NTNG1: variants seen among roughly 807,000 people sequenced by gnomAD.
NTNG1 encodes netrin G1, also known as netrin-G1.
NTNG1 carries 16 observed loss-of-function variants against 54.0 expected under a neutral mutation model. The observed-to-expected ratio is 0.30, with a 90% CI of 0.20 to 0.45. The LOEUF is 0.45. Among genes scored for constraint, NTNG1 ranks in the 20% least tolerant of loss-of-function variants. The probability of loss-of-function intolerance (pLI) is 1.00; values close to 1 mark genes in which losing one functional copy is unlikely to be tolerated. For synonymous variants in NTNG1, 255 were observed against 263.1 expected, an observed-to-expected ratio of 0.97 and a Z score of 0.30; for missense variants, 530 against 678.7, an observed-to-expected ratio of 0.78 and a Z score of 2.43.
At chr1:107,262,747 G>T (rs543081310) in intron 2 of NTNG1, among the ~76,000 whole-genome samples, 25 of 152,296 alleles carry the variant, frequency 1.6e-4, no homozygotes, top group African/African-American at 5.5e-4. Context: ...TTTAGAAAAA[G>T]ACAAAGCAAA....
At chr1:107,178,394 T>A (rs947587660) in intron 2 of NTNG1, among the ~76,000 whole-genome samples, 4 of 152,174 alleles carry the variant, frequency 2.6e-5, no homozygotes, top group Non-Finnish European at 5.9e-5. Context: ...TTTCTTGCAC[T>A]ATTTGCCTAT....
intron 5 of NTNG1, among the ~76,000 whole-genome samples, chr1:107,424,701 C>T (rs1017753164): frequency 1.3e-5 from 2 of 152,000 alleles, no homozygotes; most frequent in African/African-American, 4.8e-5. Context: ...GAAGGCAACC[C>T]AAGAGCTCAG....
At chr1:107,475,786 T>C (rs1376549990) in intron 7 of NTNG1, among the ~76,000 whole-genome samples, 2 of 152,170 alleles carry the variant, frequency 1.3e-5, no homozygotes, top group Non-Finnish European at 2.9e-5. Context: ...GGGGGGTTGT[T>C]CTGTATACTG....
intron 7 of NTNG1, among the ~76,000 whole-genome samples, chr1:107,455,442 T>C (rs1676892671): frequency 6.6e-6 from 1 of 152,250 alleles, no homozygotes; most frequent in Non-Finnish European, 1.5e-5. Flanking sequence ...CAGGATCAAG[T>C]GAACCTGAGG....
chr1:107,146,321 A>T (rs1235110625), intron 1 of NTNG1, among the ~76,000 whole-genome samples: 2 of 152,056 alleles, frequency 1.3e-5, no homozygotes, highest in Non-Finnish European at 2.9e-5. Flanking sequence ...GCCCTTTGGA[A>T]AGTATTTGTT....
chr1:107,275,098 C>T (rs1210863459), intron 2 of NTNG1, among the ~76,000 whole-genome samples: 3 of 152,080 alleles, frequency 2.0e-5, no homozygotes, highest in Non-Finnish European at 2.9e-5. Flanking sequence ...ATTAATTGGC[C>T]GGGCATGGTG....
intron 2 of NTNG1, among the ~76,000 whole-genome samples, chr1:107,209,013 G>A (rs1659417888): frequency 6.6e-6 from 1 of 151,720 alleles, no homozygotes; most frequent in South Asian, 2.1e-4. Flanking sequence ...CTCAAGTTTT[G>A]TATTTTGTGT....
At chr1:107,218,807 T>A (rs567535622) in intron 2 of NTNG1, among the ~76,000 whole-genome samples, 59 of 152,300 alleles carry the variant, frequency 3.9e-4, no homozygotes, top group African/African-American at 1.3e-3. Context: ...TTGTAGGGTT[T>A]CTGCTGAGAA....
chr1:107,317,531 G>C (rs1346708154), intron 2 of NTNG1, among the ~76,000 whole-genome samples: 1 of 152,066 alleles, frequency 6.6e-6, no homozygotes, highest in Non-Finnish European at 1.5e-5. Context: ...TTGCTATATA[G>C]GAATCTGTTT....
chr1:107,357,957 T>C (rs1466038012), intron 3 of NTNG1, among the ~76,000 whole-genome samples: 1 of 152,220 alleles, frequency 6.6e-6, no homozygotes, highest in East Asian at 1.9e-4. Context: ...TATAGCATTA[T>C]ATACTACTCT....
chr1:107,416,802 A>C (rs1201631668), intron 5 of NTNG1, among the ~76,000 whole-genome samples: 1 of 152,050 alleles, frequency 6.6e-6, no homozygotes, highest in East Asian at 1.9e-4. Flanking sequence ...ACTTAACATT[A>C]AGCTTGCAAA....
intron 2 of NTNG1, among the ~76,000 whole-genome samples, chr1:107,320,929 A>G (rs1055483873): frequency 6.6e-6 from 1 of 152,060 alleles, no homozygotes; most frequent in African/African-American, 2.4e-5. Flanking sequence ...ATTTCAATAA[A>G]TTGTTATGCT....
At chr1:107,229,442 C>T (rs574317731) in intron 2 of NTNG1, among the ~76,000 whole-genome samples, 2 of 151,730 alleles carry the variant, frequency 1.3e-5, no homozygotes, top group East Asian at 1.9e-4. Flanking sequence ...GCTGCCCTCT[C>T]AGGCTCTTAA....
Position 107,480,591 on chromosome 1 carries a change from C to T in NTNG1, c.1391-20C>T. On this transcript the variant is annotated intron_variant, in intron 7 of 7. Transcript: ENST00000370068. ...TCCTCCCCGCGCCCACCCACCCCTA[C>T]CTTCCCCCTCATTCTGCAGCGAATG... 8.3e-6 allele frequency: 4 copies of T among 479,494 alleles called. No homozygotes were observed. The highest frequency in any genetic ancestry group is 1.5e-5 in the Non-Finnish European group (4 of 261,418). 29.7% of individuals were successfully genotyped at this position (479,494 alleles called of 1,614,324 possible).
intron 2 of NTNG1, among the ~76,000 whole-genome samples, chr1:107,273,265 G>A (rs1557860839): frequency 6.6e-6 from 1 of 152,140 alleles, no homozygotes; most frequent in African/African-American, 2.4e-5. Context: ...AGTGGAGAAT[G>A]TATAGAACTG....
chr1:107,185,364 G>A (rs572803440), intron 2 of NTNG1, among the ~76,000 whole-genome samples: 2 of 152,128 alleles, frequency 1.3e-5, no homozygotes, highest in East Asian at 1.9e-4. Flanking sequence ...GGTTGCTGGC[G>A]ACCCCTGGCC....
intron 2 of NTNG1, among the ~76,000 whole-genome samples, chr1:107,321,604 C>G (rs1384900766): frequency 6.6e-6 from 1 of 152,088 alleles, no homozygotes; most frequent in Non-Finnish European, 1.5e-5. Flanking sequence ...AGAATATGAA[C>G]AGGAGTTACT....
At chr1:107,397,102 C>G (rs564754643) in intron 4 of NTNG1, among the ~76,000 whole-genome samples, 7 of 152,180 alleles carry the variant, frequency 4.6e-5, no homozygotes, top group Non-Finnish European at 1.0e-4. Flanking sequence ...ATCACCAAGT[C>G]ACTTTCTGAC....
intron 2 of NTNG1, among the ~76,000 whole-genome samples, chr1:107,213,116 A>G (rs572490536): frequency 1.6e-4 from 25 of 151,912 alleles, no homozygotes; most frequent in African/African-American, 5.5e-4. Flanking sequence ...TCATTTTGTC[A>G]TGAAATACCA....
Sources: gnomAD v4.1 joint callset for allele counts (sites outside exome capture counted in the v4.1 genomes callset) on GRCh38, gnomAD v4.1.1 for gene constraint, MANE v1.5 for transcripts, NCBI Gene and HGNC (gene_info 2026-07-23, HGNC 2026-07-21) for gene names.